LSAMP: variants seen among roughly 807,000 people sequenced by gnomAD.
The protein encoded by LSAMP is limbic system-associated membrane protein.
In LSAMP, 7 loss-of-function variants were observed where a neutral mutation model predicts 38.6. That is an observed-to-expected ratio of 0.18 (90% CI 0.10 to 0.34). The LOEUF is 0.34. LSAMP is among the 10% of genes least tolerant of loss of function. The pLI, the probability that LSAMP is intolerant of heterozygous loss-of-function variation, is 1.00. For missense variants in LSAMP, 313 were observed against 420.0 expected, an observed-to-expected ratio of 0.75 and a Z score of 2.23; for synonymous variants, 154 against 166.8, an observed-to-expected ratio of 0.92 and a Z score of 0.59.
intron 1 of LSAMP, among the ~76,000 whole-genome samples, chr3:116,210,726 A>G (rs1301685833): frequency 6.6e-6 from 1 of 152,218 alleles, no homozygotes; most frequent in Non-Finnish European, 1.5e-5. Flanking sequence ...ACTCTAATAT[A>G]AGGATGATGA....
chr3:115,822,120 C>T (rs1007092390), intron 6 of LSAMP, among the ~76,000 whole-genome samples: 101 of 152,140 alleles, frequency 6.6e-4, no homozygotes, highest in African/African-American at 2.3e-3. Flanking sequence ...AAAGTATTTG[C>T]CTTGTGATTC....
intron 2 of LSAMP, among the ~76,000 whole-genome samples, chr3:116,033,295 T>G (rs1940970050): frequency 6.6e-6 from 1 of 152,118 alleles, no homozygotes; most frequent in Admixed American, 6.6e-5. Context: ...CATCTTTGCT[T>G]CCACAAATAA....
chr3:115,942,840 G>A (rs1393462499), intron 3 of LSAMP, among the ~76,000 whole-genome samples: 1 of 152,104 alleles, frequency 6.6e-6, no homozygotes, highest in East Asian at 1.9e-4. Context: ...GGTTTATGTC[G>A]ACGGTGAAAA....
intron 3 of LSAMP, among the ~76,000 whole-genome samples, chr3:115,922,990 T>C (rs542141772): frequency 1.3e-5 from 2 of 152,202 alleles, no homozygotes; most frequent in Non-Finnish European, 2.9e-5. Flanking sequence ...TGAGGCATTA[T>C]ACCTATCAAT....
At chr3:115,902,161 G>A (rs534697173) in intron 3 of LSAMP, among the ~76,000 whole-genome samples, 1 of 151,976 alleles carries the variant, frequency 6.6e-6, no homozygotes, top group Non-Finnish European at 1.5e-5. Flanking sequence ...AGAAATACTT[G>A]TTAAAAATGA....
chr3:116,445,005 C>G lies in LSAMP; in HGVS notation c.27G>C (p.Arg9=), dbSNP rs1277569070. 1.9e-6 allele frequency: 3 copies of G among 1,613,872 alleles called. No individual in the cohort carries two copies. In the Admixed American group the frequency reaches 5.0e-5, roughly 27 times the overall value. ...TCAGTAGGACCAGTGGCAACTGTTT[C>G]CGATCCGGCTGAACTCTCCTGACCA... The part of the protein sequence containing the change: MVRRVQPD[R]KQLPLVLLRL... Residue 9 remains arginine (R), a synonymous_variant, in exon 1 of 7, where the codon CGG becomes CGC. Coordinates refer to ENST00000490035, the MANE Select transcript of LSAMP (RefSeq NM_002338.5).
chr3:116,321,215 G>A (rs115997563), intron 1 of LSAMP, among the ~76,000 whole-genome samples: 1 of 152,000 alleles, frequency 6.6e-6, no homozygotes, highest in East Asian at 1.9e-4. Flanking sequence ...CCAAAAATTT[G>A]TCTTAAAAAA....
rs56951507 is a variant in LSAMP at position 116,031,538 on chromosome 3, C to CTTTTTTT, written c.389-11905_389-11899dup. 4.5e-4 allele frequency among the ~76,000 whole-genome samples: 27 copies of CTTTTTTT among 60,278 alleles called. 4 individuals carry two copies. Among genetic ancestry groups the CTTTTTTT allele is most frequent in the South Asian group, 7.9e-4 (1 of 1,272 alleles). The allele number at this position is 60,278 out of a possible 152,430, so 39.5% of individuals were successfully genotyped here. A position where few individuals can be genotyped will look rare whatever the true frequency, so the allele number is the denominator to read the frequency against. ...CATGCCTACATAACTAGCCTAAATT[C>CTTTTTTT]TTTTTTTTTTTTTTTTTTTTTTTTT... is the stretch of plus-strand genomic sequence containing the variant. On this transcript the variant is annotated intron_variant, in intron 2 of 6. Coordinates refer to ENST00000490035, the MANE Select transcript of LSAMP (RefSeq NM_002338.5).
At chr3:116,380,280 A>C (rs1477014054) in intron 1 of LSAMP, among the ~76,000 whole-genome samples, 1 of 152,110 alleles carries the variant, frequency 6.6e-6, no homozygotes, top group African/African-American at 2.4e-5. Flanking sequence ...TATTACTATT[A>C]GTTATATGTC....
chr3:116,265,945 A>C (rs1320679066), intron 1 of LSAMP, among the ~76,000 whole-genome samples: 1 of 119,570 alleles, frequency 8.4e-6, no homozygotes. Context: ...CTTTAGTTTA[A>C]AAAGTTGTGG....
At chr3:116,437,302 G>A (rs1272520547) in intron 1 of LSAMP, among the ~76,000 whole-genome samples, 1 of 151,990 alleles carries the variant, frequency 6.6e-6, no homozygotes, top group Non-Finnish European at 1.5e-5. Context: ...ATGGTGCAGT[G>A]TATACTGCTC....
chr3:115,885,787 T>C (rs1340607319), intron 3 of LSAMP, among the ~76,000 whole-genome samples: 2 of 151,858 alleles, frequency 1.3e-5, no homozygotes, highest in African/African-American at 4.8e-5. Context: ...TGCAGGCTAA[T>C]GCTACCAGGA....
intron 1 of LSAMP, among the ~76,000 whole-genome samples, chr3:116,312,308 T>C (rs891260850): frequency 1.3e-5 from 2 of 152,198 alleles, no homozygotes; most frequent in East Asian, 1.9e-4. Context: ...CTTAGAAATG[T>C]TGGCTCAGCA....
chr3:115,917,641 CTT>C (rs1397037815), intron 3 of LSAMP, among the ~76,000 whole-genome samples: 1 of 144,522 alleles, frequency 6.9e-6, no homozygotes, highest in Admixed American at 6.9e-5. Flanking sequence ...AATTAATGAC[CTT>C]TTTTTTTTTT....
At chr3:116,239,138 G>T (rs1197948063) in intron 1 of LSAMP, among the ~76,000 whole-genome samples, 2 of 152,112 alleles carry the variant, frequency 1.3e-5, no homozygotes, top group East Asian at 1.9e-4. Context: ...CTGTTCCAGG[G>T]TTTCTTCTGT....
chr3:116,407,784 C>G (rs1352232346), intron 1 of LSAMP, among the ~76,000 whole-genome samples: 1 of 151,980 alleles, frequency 6.6e-6, no homozygotes, highest in African/African-American at 2.4e-5. Context: ...CTACTAAACC[C>G]AGCTTCCCAT....
chr3:115,825,346 C>A (rs1305709032), intron 6 of LSAMP, among the ~76,000 whole-genome samples: 2 of 152,214 alleles, frequency 1.3e-5, no homozygotes, highest in Non-Finnish European at 2.9e-5. Flanking sequence ...GCTTCAATAA[C>A]AAGTTTGGTT....
At chr3:116,077,834 A>G (rs1234646617) in intron 2 of LSAMP, among the ~76,000 whole-genome samples, 2 of 152,272 alleles carry the variant, frequency 1.3e-5, no homozygotes, top group Admixed American at 6.5e-5. Context: ...TAACCTAGAC[A>G]TTTATGAAGA....
chr3:116,164,760 A>ATATT (rs374542146), intron 1 of LSAMP, among the ~76,000 whole-genome samples: 2,035 of 91,540 alleles, frequency 0.022, 209 homozygotes, highest in African/African-American at 0.03. Context: ...ATATATATAT[A>ATATT]TTTTTTTTTT....
Sources: allele counts gnomAD v4.1 joint callset (sites outside exome capture counted in the v4.1 genomes callset), GRCh38; gene constraint gnomAD v4.1.1; transcripts MANE v1.5; gene names NCBI Gene and HGNC (gene_info 2026-07-23, HGNC 2026-07-21).